The following DNAH17 variants were observed in gnomAD, a reference collection of about 807,000 sequenced individuals.
The protein encoded by DNAH17 is axonemal beta dynein heavy chain 17.
A neutral mutation model predicts 485.6 loss-of-function variants in DNAH17; 376 were observed. The observed-to-expected ratio is 0.77, with a 90% CI of 0.71 to 0.84. DNAH17 has a LOEUF of 0.84. Ranked by LOEUF, DNAH17 falls within the 40% of genes least tolerant of loss-of-function variation. The pLI, the probability that DNAH17 is intolerant of heterozygous loss-of-function variation, is 0.00. For synonymous variants in DNAH17, 3,031 were observed against 2,405.9 expected, an observed-to-expected ratio of 1.26 and a Z score of -7.60; for missense variants, 6,370 against 5,839.3, an observed-to-expected ratio of 1.09 and a Z score of -2.96.
At chr17:78,450,911 C>T in intron 66 of DNAH17, 65 bp from the exon 67 acceptor site, 5 of 1,578,300 alleles carry the variant, frequency 3.2e-6, no homozygotes, top group Non-Finnish European at 2.6e-6. Context: ...CCGGGCCTCC[C>T]TCAGGTGGCC....
At chr17:78,572,976 T>TC in intron 2 of DNAH17, 82 bp from the exon 3 acceptor site, 1 of 1,283,838 alleles carries the variant, frequency 7.8e-7, no homozygotes, top group South Asian at 1.4e-5. Context: ...CCCGGGGGGT[T>TC]CCAAAGACCC....
In DNAH17 at chr17:78,479,178, C is replaced by G. The variant is rs1324155771; in HGVS notation, c.7901-62G>C. 2.0e-6 allele frequency: 3 copies of G among 1,530,570 alleles called. No individual in the cohort carries two copies. The East Asian group carries it at 6.9e-5, about 35-fold the overall frequency. 94.8% of individuals were successfully genotyped at this position (1,530,570 alleles called of 1,614,324 possible). ...TCTTGATGGCCCCAGGAAGTGCAAGCCTCAAGTTTCTAAAGCCAATGGACT... is the reference window on the plus strand; with the variant it reads ...TCTTGATGGCCCCAGGAAGTGCAAGGCTCAAGTTTCTAAAGCCAATGGACT... On this transcript the variant is annotated intron_variant, in intron 50 of 80. Coordinates refer to ENST00000389840, the MANE Select transcript of DNAH17 (RefSeq NM_173628.4).
At chr17:78,544,817 A>AAAAAAG (rs2091710458) in intron 16 of DNAH17, among the ~76,000 whole-genome samples, 1 of 146,922 alleles carries the variant, frequency 6.8e-6, no homozygotes, top group Non-Finnish European at 1.5e-5. Flanking sequence ...AAAAAAAAAA[A>AAAAAAG]AAAAAAAGGT....
chr17:78,501,660 G>C (rs1435274726), intron 34 of DNAH17, 82 bp downstream of exon 34: 3 of 1,538,476 alleles, frequency 1.9e-6, no homozygotes, highest in Non-Finnish European at 2.6e-6. Context: ...GAAGTGGCAG[G>C]GTCTGAAGTC....
Position 78,491,455 on chromosome 17 carries a change from C to T in DNAH17, c.6657G>A (p.Met2219Ile), listed in dbSNP as rs1230242129. 1 of 1,612,788 alleles carries T rather than the reference C, an allele frequency of 6.2e-7. No homozygotes were observed. The highest frequency in any genetic ancestry group is 1.3e-5 in the African/African-American group (1 of 74,926). Reference sequence around the variant, plus strand: ...AGGGCCCGCGAACCTTGTTGTCATCCATGACTGTGTTGAGAGACTCGATCC... The same window carrying T: ...AGGGCCCGCGAACCTTGTTGTCATCTATGACTGTGTTGAGAGACTCGATCC... ...PMWIESLNTV[M>I]DDNKVLTLAS... Residue 2219 changes from methionine (M) to isoleucine (I), a missense_variant, in exon 43 of 81, where the codon ATG (methionine) becomes ATA (isoleucine). Transcript: ENST00000389840.
At chr17:78,485,302 G>C in intron 47 of DNAH17, 1 of 617,230 alleles carries the variant, frequency 1.6e-6, no homozygotes. Flanking sequence ...CACTCCCGGG[G>C]GACCTGCTGC....
rs1316739795 is a variant in DNAH17, at chr17:78,485,602, G to A, written c.7431C>T (p.Tyr2477=). 2.5e-6 allele frequency: 4 copies of A among 1,613,842 alleles called. No individual in the cohort carries two copies. The Admixed American group carries it at 5.0e-5, about 20-fold the overall frequency. ...DKLESLNTDN[Y]LVQAVPFNFY... ...AGTTGAAGGGCACAGCCTGCACCAG[G>A]TAGTTGTCCGTGTTCAGGCTTTCCA... The change falls in exon 47 of 81, where the codon TAC becomes TAT. Residue 2477 remains tyrosine, a synonymous_variant. Transcript: ENST00000389840.
At chr17:78,426,776 G>A (rs764367691) in intron 78 of DNAH17, 150 bp downstream of exon 78, 15 of 1,277,634 alleles carry the variant, frequency 1.2e-5, no homozygotes, top group South Asian at 1.0e-4. Context: ...ATGAGCTCCC[G>A]GGGCTTGTTC....
chr17:78,538,699 T>C (rs904112039), intron 18 of DNAH17, among the ~76,000 whole-genome samples: 1 of 152,202 alleles, frequency 6.6e-6, no homozygotes, highest in Non-Finnish European at 1.5e-5. Flanking sequence ...ATGGTTTTTG[T>C]TGAGACGCTT....
chr17:78,543,817 G>T (rs765547501), intron 17 of DNAH17, 40 bp downstream of exon 17: 3 of 1,613,776 alleles, frequency 1.9e-6, no homozygotes, highest in Admixed American at 1.7e-5. Flanking sequence ...CCTGCTAAAA[G>T]CAAGTGGGTT....
intron 13 of DNAH17, 34 bp from the exon 14 acceptor site, chr17:78,558,288 G>C: frequency 1.2e-6 from 2 of 1,608,660 alleles, no homozygotes; most frequent in Non-Finnish European, 1.7e-6. Context: ...GAACATGTCA[G>C]CAGGTCAGGT....
At chr17:78,463,519 C>T (rs1210281864) in intron 56 of DNAH17, among the ~76,000 whole-genome samples, 1 of 152,162 alleles carries the variant, frequency 6.6e-6, no homozygotes, top group Non-Finnish European at 1.5e-5. Context: ...CATTCACATA[C>T]CTGCATATGT....
chr17:78,428,948 GTTGT>G (rs1202996873), intron 76 of DNAH17, among the ~76,000 whole-genome samples, 169 bp downstream of exon 76: 6 of 132,420 alleles, frequency 4.5e-5, no homozygotes, highest in Non-Finnish European at 8.5e-5. Context: ...AAAAAAAAAG[GTTGT>G]TTGTATTAGC....
Position 78,458,579 on chromosome 17 carries a change from G to C in DNAH17, c.9963C>G (p.Ile3321Met). ...QQEADATNRV[I>M]LLANRLVGGL... ...GGAGCTGATACCTGTTCGCCAGTAAGATCACCCTGTTCGTGGCATCGGCCT... is the reference window on the plus strand; with the variant it reads ...GGAGCTGATACCTGTTCGCCAGTAACATCACCCTGTTCGTGGCATCGGCCT... Residue 3321 changes from isoleucine (I) to methionine (M), a missense_variant, in exon 62 of 81, where the codon ATC becomes ATG. Ile to Met is a conservative substitution (Grantham distance 10, BLOSUM62 1). Transcript: ENST00000389840. The C allele has an allele frequency of 6.2e-7, 1 of 1,613,962 alleles. No individual in the cohort carries two copies. The highest frequency in any genetic ancestry group is 1.3e-5 in the African/African-American group (1 of 75,064).
At chr17:78,548,406 G>A (rs62075918) in intron 16 of DNAH17, among the ~76,000 whole-genome samples, 5,545 of 151,906 alleles carry the variant, frequency 0.037, 116 homozygotes, top group African/African-American at 0.05. Flanking sequence ...GAGTTTCACC[G>A]TGTTAGCCAG....
rs747224579 is a variant in DNAH17, at chr17:78,468,878, G to A, written c.8517C>T (p.Asp2839=). 6.2e-7 allele frequency: 1 copy of A among 1,612,852 alleles called. No homozygotes were observed. The highest frequency in any genetic ancestry group is 2.2e-5 in the East Asian group (1 of 44,874). The stretch of plus-strand genomic sequence containing the variant: ...CAGCCTTTATGTACTGAGCAGCGAG[G>A]TCAATCTGGACGGAGTGAGGACACG... ...KGYGIPDLKI[D]LAAQYIKAAV... Residue 2839 remains aspartate (D), a synonymous_variant, in exon 55 of 81, where the codon GAC becomes GAT. Transcript: ENST00000389840.
At chr17:78,458,190 G>A (rs1033329699) in intron 62 of DNAH17, among the ~76,000 whole-genome samples, 2 of 152,186 alleles carry the variant, frequency 1.3e-5, no homozygotes, top group East Asian at 1.9e-4. Flanking sequence ...CCTAGTGGAC[G>A]ACGCTACTCT....
chr17:78,444,514 G>C lies in DNAH17; in HGVS notation c.11528+90C>G, dbSNP rs900138446. The C allele has an allele frequency of 4.6e-6, 6 of 1,296,000 alleles. No individual in the cohort carries two copies. The Middle Eastern group carries it at 7.8e-4, about 169-fold the overall frequency. 80.3% of individuals were successfully genotyped at this position (1,296,000 alleles called of 1,614,324 possible). ...AAAAAAGTTCAGGGGATCAACTCAA[G>C]TCCACAGAGAGTCTAGCACAGCCGC... On this transcript the variant is annotated intron_variant, in intron 71 of 80. Transcript: ENST00000389840.
intron 26 of DNAH17, chr17:78,510,750 G>GCCCC (rs2090612882): frequency 4.2e-5 from 13 of 306,206 alleles, no homozygotes; most frequent in South Asian, 1.6e-4. Context: ...GCGGAATTGC[G>GCCCC]GCCCCCCCGC....
Sources: gnomAD v4.1 joint callset for allele counts (sites outside exome capture counted in the v4.1 genomes callset) on GRCh38, gnomAD v4.1.1 for gene constraint, MANE v1.5 for transcripts, NCBI Gene and HGNC (gene_info 2026-07-23, HGNC 2026-07-21) for gene names.